The following TACR3 variants were observed in gnomAD, a reference collection of about 807,000 sequenced individuals.
The protein encoded by TACR3 is tachykinin receptor 3, also known as neuromedin-K receptor.
Under a neutral mutation model 35.0 loss-of-function variants are expected in TACR3, and 34 were observed. That is an observed-to-expected ratio of 0.97 (90% confidence interval 0.74 to 1.30). The LOEUF (loss-of-function observed/expected upper bound fraction) is 1.30, where lower values mean the gene tolerates loss of function less well. Among genes scored for constraint, TACR3 ranks in the 50% most tolerant of loss-of-function variants. TACR3 has a pLI of 0.00. For missense variants in TACR3, 558 were observed against 591.7 expected, an observed-to-expected ratio of 0.94 and a Z score of 0.59; for synonymous variants, 233 against 221.1, an observed-to-expected ratio of 1.05 and a Z score of -0.48.
intron 3 of TACR3, among the ~76,000 whole-genome samples, chr4:103,595,964 T>C (rs1192588791): frequency 6.9e-6 from 1 of 144,688 alleles, no homozygotes. Flanking sequence ...TATGTTCTCA[T>C]TGTTCAATAC....
intron 3 of TACR3, among the ~76,000 whole-genome samples, chr4:103,606,664 T>C: frequency 6.6e-6 from 1 of 152,140 alleles, no homozygotes; most frequent in East Asian, 1.9e-4. Flanking sequence ...TTTTTGTACA[T>C]TGATTTTGTA....
intron 1 of TACR3, among the ~76,000 whole-genome samples, chr4:103,707,064 T>C (rs1331899120): frequency 6.6e-6 from 1 of 152,224 alleles, no homozygotes; most frequent in Non-Finnish European, 1.5e-5. Context: ...TCTGGTACCA[T>C]GGCTTTGGCC....
chr4:103,633,308 G>A (rs1007427054), intron 3 of TACR3, among the ~76,000 whole-genome samples: 1 of 152,066 alleles, frequency 6.6e-6, no homozygotes, highest in Non-Finnish European at 1.5e-5. Flanking sequence ...TTGAGCATCT[G>A]AAAGAAATGC....
At chr4:103,686,303 T>C (rs974742904) in intron 1 of TACR3, among the ~76,000 whole-genome samples, 7 of 152,160 alleles carry the variant, frequency 4.6e-5, no homozygotes, top group African/African-American at 1.4e-4. Flanking sequence ...CAATGGCAAA[T>C]AGTAGAGTCT....
intron 3 of TACR3, among the ~76,000 whole-genome samples, chr4:103,606,457 G>A (rs1477837946): frequency 1.3e-5 from 2 of 152,300 alleles, no homozygotes; most frequent in Non-Finnish European, 1.5e-5. Context: ...CTATCCATGA[G>A]CATGGACTGT....
chr4:103,705,488 T>C (rs1722767267), intron 1 of TACR3, among the ~76,000 whole-genome samples: 1 of 152,120 alleles, frequency 6.6e-6, no homozygotes, highest in Non-Finnish European at 1.5e-5. Context: ...CCTGCCTTTA[T>C]GGTACTTACA....
chr4:103,647,658 T>C (rs1725490952), intron 3 of TACR3, among the ~76,000 whole-genome samples: 1 of 144,370 alleles, frequency 6.9e-6, no homozygotes, highest in Non-Finnish European at 1.5e-5. Context: ...GAATATACTT[T>C]CCTTTAAAGT....
intron 3 of TACR3, among the ~76,000 whole-genome samples, chr4:103,604,980 C>T (rs1205792139): frequency 8.1e-6 from 1 of 123,376 alleles, no homozygotes; most frequent in African/African-American, 3.1e-5. Flanking sequence ...TCCCTCCCCC[C>T]TCCCCCCACC....
chr4:103,655,000 T>C (rs1329006649), intron 3 of TACR3, among the ~76,000 whole-genome samples: 3 of 152,306 alleles, frequency 2.0e-5, no homozygotes, highest in Non-Finnish European at 4.4e-5. Context: ...TTGTGCACAT[T>C]ATTTTTAAGT....
At chr4:103,590,074 C>G (rs2110282370) in intron 4 of TACR3, 80 bp from the exon 5 acceptor site, 1 of 1,531,948 alleles carries the variant, frequency 6.5e-7, no homozygotes, top group South Asian at 1.2e-5. Context: ...AAAATTCTAC[C>G]TAAGGCAGTT....
intron 1 of TACR3, among the ~76,000 whole-genome samples, chr4:103,688,685 A>G (rs1368391630): frequency 2.0e-5 from 3 of 151,460 alleles, no homozygotes; most frequent in Non-Finnish European, 2.9e-5. Context: ...AATGCAAATC[A>G]AAACCACAAT....
At chr4:103,634,494 T>G (rs1235616318) in intron 3 of TACR3, among the ~76,000 whole-genome samples, 1 of 145,006 alleles carries the variant, frequency 6.9e-6, no homozygotes, top group Non-Finnish European at 1.5e-5. Flanking sequence ...AGAATGCTGT[T>G]CTCTTCATGA....
At chr4:103,706,205 G>A (rs1192667997) in intron 1 of TACR3, among the ~76,000 whole-genome samples, 2 of 152,082 alleles carry the variant, frequency 1.3e-5, no homozygotes, top group Non-Finnish European at 2.9e-5. Context: ...TGGGTTTTGT[G>A]GAATTTAAAG....
chr4:103,679,511 C>T (rs866368682), intron 1 of TACR3, among the ~76,000 whole-genome samples: 101 of 151,838 alleles, frequency 6.7e-4, no homozygotes, highest in Admixed American at 1.4e-3. Context: ...AAAGAGCTCC[C>T]ACATCAGATG....
chr4:103,696,722 T>C (rs944735652), intron 1 of TACR3, among the ~76,000 whole-genome samples: 4 of 152,198 alleles, frequency 2.6e-5, no homozygotes, highest in Non-Finnish European at 5.9e-5. Flanking sequence ...TAAGTTCACC[T>C]TTCATAATTC....
rs868304504 is a variant in TACR3, at chr4:103,650,700, T to A, written c.888+5494A>T. On this transcript the variant is annotated intron_variant, in intron 3 of 4. Coordinates refer to ENST00000304883, the MANE Select transcript of TACR3 (RefSeq NM_001059.3). ...TATTATATCATATATAATATATATT[T>A]ATATATATAAATATATATAAATAAA... Among the ~76,000 whole-genome samples, 5 of 56,082 alleles carry A rather than the reference T, an allele frequency of 8.9e-5. 1 individual carries two copies. The highest frequency in any genetic ancestry group is 1.7e-4 in the African/African-American group (1 of 6,032). The allele number at this position is 56,082 out of a possible 152,430, so 36.8% of individuals were successfully genotyped here. A position where few individuals can be genotyped will look rare whatever the true frequency, so the allele number is the denominator to read the frequency against.
chr4:103,622,511 C>T (rs1360413589), intron 3 of TACR3, among the ~76,000 whole-genome samples: 1 of 152,084 alleles, frequency 6.6e-6, no homozygotes. Context: ...GCAGGCGGAT[C>T]ACAAGGTCAG....
intron 3 of TACR3, among the ~76,000 whole-genome samples, chr4:103,593,843 T>C (rs1033894647): frequency 1.3e-5 from 2 of 152,192 alleles, no homozygotes; most frequent in Non-Finnish European, 2.9e-5. Context: ...CAGTTTGTTA[T>C]GTTTTTTCTT....
At chr4:103,699,054 C>T (rs1722589183) in intron 1 of TACR3, among the ~76,000 whole-genome samples, 1 of 152,142 alleles carries the variant, frequency 6.6e-6, no homozygotes, top group Non-Finnish European at 1.5e-5. Flanking sequence ...ATGCACTCTA[C>T]TTATTATTCA....
Sources: gnomAD v4.1 joint callset for allele counts (sites outside exome capture counted in the v4.1 genomes callset) on GRCh38, gnomAD v4.1.1 for gene constraint, MANE v1.5 for transcripts, NCBI Gene and HGNC (gene_info 2026-07-23, HGNC 2026-07-21) for gene names.